ADAMTS17: variants seen among roughly 807,000 people sequenced by gnomAD.
ADAMTS17 encodes the protein A disintegrin and metalloproteinase with thrombospondin motifs 17.
ADAMTS17 carries 113 observed loss-of-function variants against 141.5 expected under a neutral mutation model. That is an observed-to-expected ratio of 0.80 (90% confidence interval 0.69 to 0.93). ADAMTS17 has a LOEUF of 0.93. Ranked by LOEUF, ADAMTS17 falls within the 40% of genes least tolerant of loss-of-function variation. ADAMTS17 has a pLI of 0.00. For synonymous variants in ADAMTS17, 768 were observed against 630.6 expected (o/e 1.22, Z -3.27); for missense variants, 1,659 against 1,517.9 (o/e 1.09, Z -1.54).
chr15:100,106,518 C>T (rs2036423353), intron 14 of ADAMTS17, among the ~76,000 whole-genome samples: 1 of 152,190 alleles, frequency 6.6e-6, no homozygotes, highest in African/African-American at 2.4e-5. Context: ...GTGATTAAAA[C>T]CAAGATCATG....
chr15:99,974,621 C>T (rs1012120799), intron 21 of ADAMTS17, 59 bp from the exon 22 acceptor site: 3 of 1,606,378 alleles, frequency 1.9e-6, no homozygotes, highest in African/African-American at 2.7e-5. Flanking sequence ...TGTCCTGATG[C>T]AGGCACAGGG....
Position 99,993,037 on chromosome 15 carries a change from G to C in ADAMTS17, c.2949+11C>G, listed in dbSNP as rs372219832. On this transcript the variant is annotated intron_variant, in intron 20 of 21. Transcript: ENST00000268070. The surrounding 1 kb of genome is among the most constrained non-coding windows in gnomAD (Gnocchi z 4.3). ...GCGGCACGGAGAGAAATGCCAGCAG[G>C]CTGCTCTCACCGTAGACCAGTCCCC... 102 of 1,613,940 alleles carry C rather than the reference G, an allele frequency of 6.3e-5. No individual in the cohort carries two copies. Among genetic ancestry groups the C allele is most frequent in the Non-Finnish European group, 8.1e-5 (96 of 1,180,050 alleles).
intron 8 of ADAMTS17, among the ~76,000 whole-genome samples, chr15:100,177,932 A>G (rs2127842): frequency 0.047 from 7,082 of 152,182 alleles, 176 homozygotes; most frequent in East Asian, 0.14. Flanking sequence ...CCAGTCATCA[A>G]TCTTCTTTCC....
At chr15:99,990,369 T>C (rs905167937) in intron 20 of ADAMTS17, among the ~76,000 whole-genome samples, 13 of 152,140 alleles carry the variant, frequency 8.5e-5, no homozygotes, top group Admixed American at 2.0e-4. Flanking sequence ...AGCTCTGAAG[T>C]TAAGTTTCTC....
intron 7 of ADAMTS17, among the ~76,000 whole-genome samples, chr15:100,245,561 T>C (rs2042961577): frequency 6.6e-6 from 1 of 152,228 alleles, no homozygotes; most frequent in Admixed American, 6.5e-5. Context: ...ATTTTCACCA[T>C]TTTCTAATGT....
At chr15:100,227,371 C>G (rs565160556) in intron 7 of ADAMTS17, among the ~76,000 whole-genome samples, 1 of 152,202 alleles carries the variant, frequency 6.6e-6, no homozygotes, top group Admixed American at 6.5e-5. Context: ...CAATCCTCCC[C>G]ATTCCACCTC....
At chr15:100,118,936 A>G (rs1454916308) in intron 12 of ADAMTS17, among the ~76,000 whole-genome samples, 1 of 152,154 alleles carries the variant, frequency 6.6e-6, no homozygotes. Context: ...ATTTGGAAAC[A>G]GGGTCAACAG....
intron 3 of ADAMTS17, among the ~76,000 whole-genome samples, chr15:100,323,081 T>C (rs11631789): frequency 0.33 from 23,279 of 70,032 alleles, 2,754 homozygotes; most frequent in Middle Eastern, 0.44. Flanking sequence ...CGAGACTCCG[T>C]CTCAAAAAAA....
chr15:100,100,641 C>T (rs2036039146), intron 14 of ADAMTS17, among the ~76,000 whole-genome samples: 1 of 152,148 alleles, frequency 6.6e-6, no homozygotes, highest in South Asian at 2.1e-4. Flanking sequence ...CCCTGAAAAC[C>T]TCTGTTGCCT....
At chr15:99,999,351 C>A (rs2060871517) in intron 18 of ADAMTS17, among the ~76,000 whole-genome samples, 1 of 152,180 alleles carries the variant, frequency 6.6e-6, no homozygotes, top group African/African-American at 2.4e-5. Flanking sequence ...GTGAGCAGAA[C>A]AGGGAGTGGG....
chr15:100,340,693 T>C (rs2046336045), intron 2 of ADAMTS17, among the ~76,000 whole-genome samples: 1 of 152,142 alleles, frequency 6.6e-6, no homozygotes, highest in South Asian at 2.1e-4. Flanking sequence ...CAGTGTTCTC[T>C]ACATTGGGGC....
chr15:100,259,129 C>T (rs1403961214), intron 6 of ADAMTS17, among the ~76,000 whole-genome samples: 1 of 152,220 alleles, frequency 6.6e-6, no homozygotes, highest in Non-Finnish European at 1.5e-5. Context: ...TATGAAAACT[C>T]TTCTCAAAGT....
intron 7 of ADAMTS17, among the ~76,000 whole-genome samples, chr15:100,205,989 C>T (rs1299632876): frequency 2.0e-5 from 3 of 152,314 alleles, no homozygotes; most frequent in East Asian, 1.9e-4. Context: ...ACCCACTGAT[C>T]CCTGCTCCTC....
chr15:100,131,106 C>T (rs1215408456), intron 12 of ADAMTS17, among the ~76,000 whole-genome samples: 1 of 151,974 alleles, frequency 6.6e-6, no homozygotes, highest in Non-Finnish European at 1.5e-5. Context: ...TCTCAGCAAA[C>T]TAACACAGGA....
chr15:100,124,826 A>G (rs991075879), intron 12 of ADAMTS17, among the ~76,000 whole-genome samples: 1 of 152,208 alleles, frequency 6.6e-6, no homozygotes, highest in Non-Finnish European at 1.5e-5. Context: ...CGCCTGCAGA[A>G]CAAGGACCGT....
chr15:100,149,293 G>C (rs977195156), intron 10 of ADAMTS17, among the ~76,000 whole-genome samples: 2 of 152,234 alleles, frequency 1.3e-5, no homozygotes, highest in African/African-American at 4.8e-5. Context: ...GAAGCATCTG[G>C]TCTTCTGCAT....
At chr15:100,209,901 A>G (rs1240901756) in intron 7 of ADAMTS17, among the ~76,000 whole-genome samples, 1 of 152,182 alleles carries the variant, frequency 6.6e-6, no homozygotes, top group Non-Finnish European at 1.5e-5. Context: ...ATGCATGTCA[A>G]TGTCTGTCTT....
intron 8 of ADAMTS17, among the ~76,000 whole-genome samples, chr15:100,157,298 T>C (rs1277469908): frequency 6.6e-6 from 1 of 152,110 alleles, no homozygotes; most frequent in African/African-American, 2.4e-5. Context: ...CAGACACCCG[T>C]CCTCAAAGAA....
In ADAMTS17 at chr15:99,993,346, T is replaced by A; in HGVS notation, c.2797-146A>T. 2 of 1,235,860 alleles carry A rather than the reference T, an allele frequency of 1.6e-6. No homozygotes were observed. The highest frequency in any genetic ancestry group is 2.3e-6 in the Non-Finnish European group (2 of 863,124). The allele number at this position is 1,235,860 out of a possible 1,614,324, so 76.6% of individuals were successfully genotyped here. A position where few individuals can be genotyped will look rare whatever the true frequency, so the allele number is the denominator to read the frequency against. On this transcript the variant is annotated intron_variant, in intron 19 of 21. Transcript: ENST00000268070. The surrounding 1 kb of genome is among the most constrained non-coding windows in gnomAD (Gnocchi z 4.3). ...ACTTCTGTCCTCAAAAAGCTCCTGG[T>A]CTGCAGGGTCTTACGCACGTGGTCC...
Sources: allele counts gnomAD v4.1 joint callset (sites outside exome capture counted in the v4.1 genomes callset), GRCh38; gene constraint gnomAD v4.1.1; non-coding constraint Gnocchi (gnomAD v3.1); transcripts MANE v1.5; gene names NCBI Gene and HGNC (gene_info 2026-07-23, HGNC 2026-07-21).